The following PLXNA2 variants were observed in gnomAD, a reference collection of about 807,000 sequenced individuals.
PLXNA2 encodes the protein plexin A2.
A neutral mutation model predicts 193.5 loss-of-function variants in PLXNA2; 91 were observed. The ratio of observed to expected loss-of-function variants is 0.47; its 90% CI spans 0.40 to 0.56. The LOEUF is 0.56. Among genes scored for constraint, PLXNA2 ranks in the 20% least tolerant of loss-of-function variants. PLXNA2 has a pLI of 0.00. For missense variants in PLXNA2, 1,995 were observed against 2,503.2 expected (o/e 0.80, Z 4.33); for synonymous variants, 997 against 1,027.3 (o/e 0.97, Z 0.56).
intron 1 of PLXNA2, 41 bp from the exon 2 acceptor site, chr1:208,218,043 T>G (rs1671201493): frequency 6.6e-7 from 1 of 1,523,514 alleles, no homozygotes; most frequent in Admixed American, 2.0e-5. Context: ...AAAAATAATT[T>G]CCGGGAGGAG....
intron 26 of PLXNA2, 75 bp from the exon 27 acceptor site, chr1:208,034,667 T>C: frequency 1.1e-6 from 1 of 893,340 alleles, no homozygotes; most frequent in Non-Finnish European, 1.9e-6. Flanking sequence ...CAAGTATTTC[T>C]AGAGGGTTAT....
At chr1:208,205,195 C>T (rs183480829) in intron 3 of PLXNA2, among the ~76,000 whole-genome samples, 14 of 152,332 alleles carry the variant, frequency 9.2e-5, no homozygotes, top group South Asian at 4.1e-4. Flanking sequence ...CTCCTGTCTC[C>T]GCCCTGAAAC....
chr1:208,238,075 C>T (rs2102649355), intron 1 of PLXNA2, among the ~76,000 whole-genome samples: 1 of 152,298 alleles, frequency 6.6e-6, no homozygotes, highest in South Asian at 2.1e-4. Context: ...TTAGACAGAA[C>T]AAGAGAAAGC....
At chr1:208,088,670 C>A (rs1430192457) in intron 9 of PLXNA2, among the ~76,000 whole-genome samples, 1 of 152,226 alleles carries the variant, frequency 6.6e-6, no homozygotes, top group Non-Finnish European at 1.5e-5. Flanking sequence ...TGACTCATTA[C>A]CTTAAGAGAG....
At chr1:208,150,588 G>C (rs985434492) in intron 3 of PLXNA2, among the ~76,000 whole-genome samples, 1 of 152,156 alleles carries the variant, frequency 6.6e-6, no homozygotes, top group Non-Finnish European at 1.5e-5. Flanking sequence ...CAAGGGTTAG[G>C]GTGGGGAGAT....
intron 3 of PLXNA2, among the ~76,000 whole-genome samples, chr1:208,201,973 A>ATTTTTTTTTTTTTTTTTT (rs59313982): frequency 5.3e-5 from 7 of 132,626 alleles, no homozygotes; most frequent in Non-Finnish European, 8.2e-5. Flanking sequence ...CAGGGCAAGA[A>ATTTTTTTTTTTTTTTTTT]TTTTTTTTTT....
intron 1 of PLXNA2, among the ~76,000 whole-genome samples, chr1:208,240,099 T>A (rs558080121): frequency 6.6e-6 from 1 of 152,334 alleles, no homozygotes; most frequent in African/African-American, 2.4e-5. Flanking sequence ...CTCAGCCATT[T>A]CTTTCAGCTC....
At position 208,217,332 on chromosome 1, in the gene PLXNA2, G is replaced by A. The variant is rs922575059; in HGVS notation, c.591C>T (p.Thr197=). The A allele has an allele frequency of 2.5e-6, 4 of 1,614,182 alleles. No homozygotes were observed. The highest frequency in any genetic ancestry group is 1.7e-5 in the Admixed American group (1 of 60,022). Residue 197 remains threonine (T), a synonymous_variant, in exon 2 of 32, where the codon ACC becomes ACT. Coordinates refer to ENST00000367033, the MANE Select transcript of PLXNA2 (RefSeq NM_025179.4). This position sits in a 1 kb window ranked among gnomAD's most constrained non-coding sequence, Gnocchi z 4.7. ...CTCGGGGCAGCTTCCGGCTGGACAG[G>A]GTCGGGAAGTAATCCTGCTTCCCAT... ...AVDGKQDYFP[T]LSSRKLPRDP...
In PLXNA2 at chr1:208,044,790, AG is replaced by A. The variant is rs761623866; in HGVS notation, c.3640-49del. The A allele has an allele frequency of 2.8e-6, 4 of 1,448,878 alleles. No individual in the cohort carries two copies. In the Admixed American group the frequency reaches 7.2e-5, roughly 26 times the overall value. The allele number at this position is 1,448,878 out of a possible 1,614,324, so 89.8% of individuals were successfully genotyped here. On this transcript the variant is annotated intron_variant, in intron 19 of 31. Coordinates refer to ENST00000367033, the MANE Select transcript of PLXNA2 (RefSeq NM_025179.4). This position sits in a 1 kb window ranked among gnomAD's most constrained non-coding sequence, Gnocchi z 4.9. ...CGCACATGGATGCACACAGGTGTAG[AG>A]CCCGGGCATGCCAGCAGATCCTTAC...
At chr1:208,170,238 G>A (rs1669447620) in intron 3 of PLXNA2, among the ~76,000 whole-genome samples, 1 of 152,120 alleles carries the variant, frequency 6.6e-6, no homozygotes, top group Non-Finnish European at 1.5e-5. Context: ...CATTTTTAAT[G>A]CCTCTATTTT....
chr1:208,165,672 C>A (rs1270495965), intron 3 of PLXNA2, among the ~76,000 whole-genome samples: 1 of 152,178 alleles, frequency 6.6e-6, no homozygotes, highest in African/African-American at 2.4e-5. Flanking sequence ...GCTGGTCCAA[C>A]CCTAAGCTGG....
rs139744523 is a variant in PLXNA2 at position 208,217,836 on chromosome 1, G to A, written c.87C>T (p.Ala29=). ...ACTGAGGCATGCCGGCTGCTGGGGG[G>A]GCCAGCAGCACCCAGACCACTGAGA... is the stretch of plus-strand genomic sequence containing the variant. ...VLLSVVWVLL[A]PPAAGMPQFS... is the part of the protein sequence containing the mutation. The change falls in exon 2 of 32, where the codon GCC becomes GCT. Residue 29 remains alanine (A), a synonymous_variant. Transcript: ENST00000367033. This position sits in a 1 kb window ranked among gnomAD's most constrained non-coding sequence, Gnocchi z 4.7. The A allele has an allele frequency of 5.8e-4, 931 of 1,614,046 alleles. 3 individuals are homozygous for A. The African/African-American group carries it at 0.011, about 19-fold the overall frequency.
intron 3 of PLXNA2, among the ~76,000 whole-genome samples, chr1:208,171,770 C>T (rs999275672): frequency 1.3e-4 from 20 of 152,082 alleles, no homozygotes; most frequent in Middle Eastern, 3.4e-3. Context: ...GTGAGAGGAT[C>T]GCTTGAGCCC....
At chr1:208,165,678 G>A (rs1347065599) in intron 3 of PLXNA2, among the ~76,000 whole-genome samples, 1 of 152,148 alleles carries the variant, frequency 6.6e-6, no homozygotes, top group Admixed American at 6.5e-5. Context: ...CCAACCCTAA[G>A]CTGGTCTTGG....
chr1:208,116,667 C>G (rs1352904473), intron 4 of PLXNA2, among the ~76,000 whole-genome samples: 1 of 152,152 alleles, frequency 6.6e-6, no homozygotes, highest in Non-Finnish European at 1.5e-5. Flanking sequence ...GGGCAAGTCC[C>G]TTAACCTCCC....
At chr1:208,209,561 G>T (rs1201832314) in intron 3 of PLXNA2, among the ~76,000 whole-genome samples, 3 of 152,174 alleles carry the variant, frequency 2.0e-5, no homozygotes, top group African/African-American at 7.2e-5. Flanking sequence ...CACTAGACAA[G>T]CTGGTACAAG....
chr1:208,144,815 C>T (rs1168200274), intron 3 of PLXNA2, among the ~76,000 whole-genome samples: 1 of 152,104 alleles, frequency 6.6e-6, no homozygotes, highest in African/African-American at 2.4e-5. Context: ...CAGTAAAGCC[C>T]CTCCTTCCAG....
At chr1:208,080,791 C>A (rs1666313394) in intron 11 of PLXNA2, among the ~76,000 whole-genome samples, 1 of 152,126 alleles carries the variant, frequency 6.6e-6, no homozygotes, top group Non-Finnish European at 1.5e-5. Context: ...CACGGTGACC[C>A]TGAGAAGTGG....
At chr1:208,060,970 G>T in intron 12 of PLXNA2, 133 bp from the exon 13 acceptor site, 1 of 698,432 alleles carries the variant, frequency 1.4e-6, no homozygotes, top group Non-Finnish European at 2.4e-6. Context: ...ATTCTGGTGA[G>T]TGAGTGCGTT....
Sources: gnomAD v4.1 joint callset for allele counts (sites outside exome capture counted in the v4.1 genomes callset) on GRCh38, gnomAD v4.1.1 for gene constraint, Gnocchi (gnomAD v3.1) non-coding constraint, MANE v1.5 for transcripts, NCBI Gene and HGNC (gene_info 2026-07-23, HGNC 2026-07-21) for gene names.